The following SAMD3 variants were observed in gnomAD, a reference collection of about 807,000 sequenced individuals.
The protein encoded by SAMD3 is sterile alpha motif domain containing 3, also known as sterile alpha motif domain-containing protein 3.
A neutral mutation model predicts 58.5 loss-of-function variants in SAMD3; 63 were observed. The observed-to-expected ratio is 1.08, with a 90% confidence interval of 0.88 to 1.33. SAMD3 has a LOEUF of 1.33. Ranked by LOEUF, SAMD3 falls within the 40% of genes most tolerant of loss-of-function variation. The probability of loss-of-function intolerance (pLI) is 0.00; values close to 1 mark genes in which losing one functional copy is unlikely to be tolerated. For synonymous variants in SAMD3, 220 were observed against 210.3 expected (o/e 1.05, Z -0.40); for missense variants, 604 against 608.4 (o/e 0.99, Z 0.08).
chr6:130,216,052 A>G (rs1795986994), intron 2 of SAMD3: 1 of 396,996 alleles, frequency 2.5e-6, no homozygotes, highest in Non-Finnish European at 4.5e-6. Flanking sequence ...TCAAAATTGG[A>G]AAGTAATTAT....
chr6:130,306,600 C>A (rs532669202), intron 2 of SAMD3, among the ~76,000 whole-genome samples: 1 of 152,304 alleles, frequency 6.6e-6, no homozygotes, highest in African/African-American at 2.4e-5. Flanking sequence ...ACTGTCCAGT[C>A]TCTTGTCAGT....
chr6:130,247,156 A>G (rs1386403516), intron 2 of SAMD3, among the ~76,000 whole-genome samples: 3 of 152,170 alleles, frequency 2.0e-5, no homozygotes, highest in Admixed American at 6.5e-5. Context: ...TGTCATGTCA[A>G]AGGAGTCAGG....
At chr6:130,144,280 G>A (rs746318798), downstream of SAMD3, 14 of 482,650 alleles carry the variant, frequency 2.9e-5, no homozygotes, top group Non-Finnish European at 3.6e-5. Flanking sequence ...ACTTAACTGC[G>A]GAATTTCTAA....
chr6:130,260,359 C>T (rs1169846011), intron 2 of SAMD3, among the ~76,000 whole-genome samples: 4 of 152,158 alleles, frequency 2.6e-5, no homozygotes, highest in African/African-American at 9.7e-5. Context: ...TGTGAAACTT[C>T]CTGGTCTGTT....
In SAMD3 at chr6:130,153,364, A is replaced by G. The variant is rs373964907; in HGVS notation, c.1023+1461T>C. 1.7e-4 allele frequency among the ~76,000 whole-genome samples: 26 copies of G among 152,324 alleles called. 1 individual carries two copies. Among genetic ancestry groups the G allele is most frequent in the Admixed American group, 5.2e-4 (8 of 15,298 alleles). The stretch of plus-strand genomic sequence containing the variant: ...TGGAAAGCACTGAGAACATGCTGTT[A>G]CAGAGAAGCATTCAGATATTTGCTA... On this transcript the variant is annotated intron_variant, in intron 9 of 11. Transcript: ENST00000439090.
chr6:130,245,885 C>T (rs1773525349), intron 2 of SAMD3, among the ~76,000 whole-genome samples: 1 of 151,956 alleles, frequency 6.6e-6, no homozygotes, highest in Non-Finnish European at 1.5e-5. Context: ...CGTGTGTCTT[C>T]CCTCAGTTAC....
rs547313874 is a variant in SAMD3 at position 130,209,723 on chromosome 6, C to T, written c.270-115G>A. The T allele has an allele frequency of 1.4e-4, 84 of 601,528 alleles. 1 individual carries two copies. The South Asian group carries it at 1.9e-3, about 14-fold the overall frequency. 37.3% of individuals were successfully genotyped at this position (601,528 alleles called of 1,614,324 possible). ...TAAACATCATGGTCTGTGTCCACTT[C>T]CCAGTTCCACGTTAGACTCATGACT... On this transcript the variant is annotated intron_variant, in intron 4 of 11. Transcript: ENST00000439090.
At chr6:130,291,129 C>T (rs977741385) in intron 2 of SAMD3, among the ~76,000 whole-genome samples, 5 of 152,150 alleles carry the variant, frequency 3.3e-5, no homozygotes, top group African/African-American at 7.2e-5. Context: ...CTCACTCTGT[C>T]GCCCAGGCTG....
At chr6:130,317,224 G>A (rs113983246) in intron 1 of SAMD3, among the ~76,000 whole-genome samples, 3,836 of 152,266 alleles carry the variant, frequency 0.025, 67 homozygotes, top group Non-Finnish European at 0.04. Context: ...GGAGCCCAAC[G>A]CTTTCCTAAA....
At chr6:130,162,103 G>C (rs1353749144) in intron 8 of SAMD3, 4 of 547,092 alleles carry the variant, frequency 7.3e-6, no homozygotes. Context: ...ATTAACTTGA[G>C]TTAAAGCCAA....
intron 9 of SAMD3, among the ~76,000 whole-genome samples, chr6:130,149,176 C>G (rs1788908161): frequency 1.3e-5 from 2 of 152,208 alleles, no homozygotes; most frequent in Admixed American, 1.3e-4. Context: ...CCCATTATAT[C>G]TCAGTGTATT....
upstream of SAMD3, among the ~76,000 whole-genome samples, chr6:130,225,097 T>C (rs1223725892): frequency 6.6e-6 from 1 of 151,978 alleles, no homozygotes; most frequent in South Asian, 2.1e-4. Context: ...TGAGTGAGCA[T>C]GGGGAAGAAA....
intron 5 of SAMD3, among the ~76,000 whole-genome samples, chr6:130,193,322 C>T (rs903132886): frequency 6.6e-6 from 1 of 152,074 alleles, no homozygotes; most frequent in Admixed American, 6.5e-5. Flanking sequence ...GCAAGTACCC[C>T]AACCTCATAT....
At chr6:130,272,975 A>C (rs4513812) in intron 2 of SAMD3, among the ~76,000 whole-genome samples, 47,258 of 151,986 alleles carry the variant, frequency 0.31, 7,722 homozygotes, top group East Asian at 0.47. Flanking sequence ...GATATCATAG[A>C]CACTTGGAGT....
At chr6:130,217,343 A>G (rs1796056961) in intron 1 of SAMD3, among the ~76,000 whole-genome samples, 1 of 152,206 alleles carries the variant, frequency 6.6e-6, no homozygotes, top group Admixed American at 6.5e-5. Context: ...TCTGAGCTTC[A>G]GAAACATACG....
At chr6:130,360,907 T>C (rs1262120719) in intron 1 of SAMD3, among the ~76,000 whole-genome samples, 1 of 152,194 alleles carries the variant, frequency 6.6e-6, no homozygotes, top group Non-Finnish European at 1.5e-5. Context: ...CATTTGCTTT[T>C]GAAAGAAGAG....
intron 2 of SAMD3, among the ~76,000 whole-genome samples, chr6:130,296,166 T>A (rs568104331): frequency 6.6e-6 from 1 of 152,276 alleles, no homozygotes; most frequent in African/African-American, 2.4e-5. Flanking sequence ...AATTTGGTGA[T>A]AAGAGCAGAT....
At chr6:130,268,558 A>G (rs1337122889) in intron 2 of SAMD3, among the ~76,000 whole-genome samples, 1 of 152,218 alleles carries the variant, frequency 6.6e-6, no homozygotes, top group Non-Finnish European at 1.5e-5. Context: ...CAGTTAGGGT[A>G]AGTGTCCTAT....
intron 1 of SAMD3, among the ~76,000 whole-genome samples, chr6:130,315,644 C>T (rs1776337154): frequency 6.6e-6 from 1 of 151,996 alleles, no homozygotes; most frequent in Non-Finnish European, 1.5e-5. Flanking sequence ...GATTCACCTG[C>T]CTAAGTTATT....
Sources: gnomAD v4.1 joint callset for allele counts (sites outside exome capture counted in the v4.1 genomes callset) on GRCh38, gnomAD v4.1.1 for gene constraint, MANE v1.5 for transcripts, NCBI Gene and HGNC (gene_info 2026-07-23, HGNC 2026-07-21) for gene names.